The following RBFOX1 variants were observed in gnomAD, a reference collection of about 807,000 sequenced individuals.
The protein encoded by RBFOX1 is RNA binding protein fox-1 homolog 1.
In RBFOX1, 8 loss-of-function variants were observed where a neutral mutation model predicts 57.7. The ratio of observed to expected loss-of-function variants is 0.14; its 90% CI spans 0.08 to 0.25. The LOEUF is 0.25. RBFOX1 is among the 10% of genes least tolerant of loss of function. The probability of loss-of-function intolerance (pLI) is 1.00; values close to 1 mark genes in which losing one functional copy is unlikely to be tolerated. For missense variants in RBFOX1, 611 were observed against 548.5 expected (o/e 1.11, Z -1.14); for synonymous variants, 326 against 222.4 (o/e 1.47, Z -4.15).
chr16:5,873,822 A>C lies in RBFOX1; in HGVS notation c.351+6487A>C, dbSNP rs143021300. Among the ~76,000 whole-genome samples the C allele has an allele frequency of 5.3e-3, 809 of 152,310 alleles. 6 individuals are homozygous for C. Among genetic ancestry groups the C allele is most frequent in the African/African-American group, 0.019 (773 of 41,564 alleles). On this transcript the variant is annotated intron_variant, in intron 4 of 19. Transcript: ENST00000641259. The stretch of plus-strand genomic sequence containing the variant: ...CTAGATAGGCTAGGGATATTTATAG[A>C]GGCTTCTCAGAGGAGGTAGTATGCA...
intron 1 of RBFOX1, among the ~76,000 whole-genome samples, chr16:5,416,880 C>G (rs574363806): frequency 1.3e-5 from 2 of 152,134 alleles, no homozygotes; most frequent in South Asian, 2.1e-4. Context: ...CATAACCCAG[C>G]CCATCCTGCC....
chr16:6,535,402 C>T (rs2153823484), intron 2 of RBFOX1, among the ~76,000 whole-genome samples: 1 of 143,812 alleles, frequency 7.0e-6, no homozygotes, highest in South Asian at 2.4e-4. Flanking sequence ...GTCTCACAAG[C>T]CCTGCCACCC....
intron 5 of RBFOX1, among the ~76,000 whole-genome samples, chr16:7,569,154 C>G (rs866534184): frequency 2.0e-4 from 30 of 152,212 alleles, no homozygotes; most frequent in Admixed American, 4.6e-4. Flanking sequence ...ATGTTCTATA[C>G]CTGTGCTTTC....
At chr16:6,750,714 A>G (rs146937772) in intron 3 of RBFOX1, among the ~76,000 whole-genome samples, 4 of 152,320 alleles carry the variant, frequency 2.6e-5, no homozygotes, top group African/African-American at 9.6e-5. Flanking sequence ...TTCGTCATTT[A>G]TTGCTAATGT....
intron 3 of RBFOX1, among the ~76,000 whole-genome samples, chr16:5,771,327 C>G (rs924462315): frequency 6.6e-6 from 1 of 152,168 alleles, no homozygotes; most frequent in African/African-American, 2.4e-5. Flanking sequence ...TCTACATGTA[C>G]CTGAGAAGTG....
At chr16:5,639,186 C>T (rs893700477) in intron 3 of RBFOX1, among the ~76,000 whole-genome samples, 1 of 152,154 alleles carries the variant, frequency 6.6e-6, no homozygotes, top group African/African-American at 2.4e-5. Flanking sequence ...TTGGCTTCCT[C>T]TTGCGTGATA....
At chr16:5,555,361 C>T (rs2045628937) in intron 2 of RBFOX1, among the ~76,000 whole-genome samples, 1 of 152,098 alleles carries the variant, frequency 6.6e-6, no homozygotes, top group Non-Finnish European at 1.5e-5. Flanking sequence ...TCAAGCAATT[C>T]TGCCTCAGCC....
At chr16:7,432,953 G>A (rs1055208701) in intron 4 of RBFOX1, among the ~76,000 whole-genome samples, 1 of 152,252 alleles carries the variant, frequency 6.6e-6, no homozygotes, top group African/African-American at 2.4e-5. Context: ...TTTTCGAACT[G>A]TGTAGAAGAC....
intron 3 of RBFOX1, among the ~76,000 whole-genome samples, chr16:5,825,074 T>C (rs971094186): frequency 2.0e-5 from 3 of 152,230 alleles, no homozygotes; most frequent in Non-Finnish European, 4.4e-5. Flanking sequence ...AGTTAGACTC[T>C]TGGAGCATCA....
intron 5 of RBFOX1, among the ~76,000 whole-genome samples, chr16:7,529,377 G>C (rs1409083193): frequency 2.0e-5 from 3 of 152,196 alleles, no homozygotes; most frequent in Non-Finnish European, 4.4e-5. Context: ...TAAATTTTTA[G>C]TTTTCTCCAT....
chr16:5,676,625 C>G lies in RBFOX1; in HGVS notation c.318+77664C>G, dbSNP rs373149071. On this transcript the variant is annotated intron_variant, in intron 3 of 19. Coordinates refer to the RBFOX1 transcript ENST00000641259. ...CCTGTAATCCCAGCACTTGGGGAGG[C>G]TGAAGCAGGAAGATCACTGGAGGCC... Among the ~76,000 whole-genome samples, 12 of 152,252 alleles carry G rather than the reference C, an allele frequency of 7.9e-5. 1 individual carries two copies. Among genetic ancestry groups the G allele is most frequent in the Admixed American group, 4.6e-4 (7 of 15,290 alleles).
intron 1 of RBFOX1, among the ~76,000 whole-genome samples, chr16:6,041,070 T>A (rs1257288799): frequency 6.6e-6 from 1 of 152,138 alleles, no homozygotes; most frequent in Non-Finnish European, 1.5e-5. Context: ...TAGAGAATAG[T>A]TTCCCTGCTG....
At chr16:6,492,030 T>C (rs1161737889) in intron 2 of RBFOX1, among the ~76,000 whole-genome samples, 1 of 152,152 alleles carries the variant, frequency 6.6e-6, no homozygotes, top group African/African-American at 2.4e-5. Flanking sequence ...AGTAGACATA[T>C]AGACTGAGTA....
chr16:7,150,909 G>A (rs981720248), intron 4 of RBFOX1, among the ~76,000 whole-genome samples: 8 of 152,204 alleles, frequency 5.3e-5, no homozygotes, highest in Admixed American at 6.5e-5. Context: ...TATTAGGGCT[G>A]AGTAGGTGTT....
At chr16:7,184,194 A>G (rs1284013035) in intron 4 of RBFOX1, among the ~76,000 whole-genome samples, 1 of 152,214 alleles carries the variant, frequency 6.6e-6, no homozygotes, top group Non-Finnish European at 1.5e-5. Context: ...TCCGTGAACA[A>G]GTGGAGAGAA....
intron 3 of RBFOX1, among the ~76,000 whole-genome samples, chr16:6,833,517 C>A (rs928001963): frequency 5.3e-5 from 8 of 152,116 alleles, no homozygotes; most frequent in Non-Finnish European, 8.8e-5. Context: ...CCTTGACTTC[C>A]CAGACTGGAA....
intron 4 of RBFOX1, among the ~76,000 whole-genome samples, chr16:7,188,412 C>T (rs1247118104): frequency 6.6e-6 from 1 of 152,148 alleles, no homozygotes; most frequent in African/African-American, 2.4e-5. Context: ...ATTTGCATTG[C>T]AGTTAGTTTC....
chr16:6,775,892 G>T (rs895295621), intron 3 of RBFOX1: 1 of 152,214 alleles, frequency 6.6e-6, no homozygotes, highest in South Asian at 2.1e-4. Context: ...CTTGGCTGGT[G>T]CACGGCTGTG....
chr16:6,951,586 T>C (rs2153525430), intron 3 of RBFOX1, among the ~76,000 whole-genome samples: 1 of 152,276 alleles, frequency 6.6e-6, no homozygotes, highest in Admixed American at 6.5e-5. Context: ...TCCTTGTACC[T>C]TGTTCTCATC....
Sources: gnomAD v4.1 joint callset for allele counts (sites outside exome capture counted in the v4.1 genomes callset) on GRCh38, gnomAD v4.1.1 for gene constraint, MANE v1.5 for transcripts, NCBI Gene and HGNC (gene_info 2026-07-23, HGNC 2026-07-21) for gene names.